Variants in NPR3 observed in about 807,000 individuals in gnomAD.
The protein encoded by NPR3 is natriuretic peptide receptor 3.
In NPR3, 34 loss-of-function variants were observed where a neutral mutation model predicts 54.5. The observed-to-expected ratio is 0.62, with a 90% CI of 0.47 to 0.83. The LOEUF (loss-of-function observed/expected upper bound fraction) is 0.83, where lower values mean the gene tolerates loss of function less well. Among genes scored for constraint, NPR3 ranks in the 40% least tolerant of loss-of-function variants. The pLI is 0.00. For missense variants in NPR3, 674 were observed against 720.8 expected, an observed-to-expected ratio of 0.94 and a Z score of 0.74; for synonymous variants, 289 against 297.1, an observed-to-expected ratio of 0.97 and a Z score of 0.28.
chr5:32,718,679 G>C (rs1470150134), intron 1 of NPR3, among the ~76,000 whole-genome samples: 1 of 152,150 alleles, frequency 6.6e-6, no homozygotes, highest in African/African-American at 2.4e-5. Context: ...GAATGCTTGT[G>C]ATTTTTGCAC....
chr5:32,761,345 C>T (rs1342018634), intron 3 of NPR3, among the ~76,000 whole-genome samples: 8 of 152,064 alleles, frequency 5.3e-5, no homozygotes, highest in African/African-American at 1.9e-4. Context: ...TTTGGGTCTT[C>T]TTTATCTCAG....
rs559762980 is a variant in NPR3 at position 32,711,734 on chromosome 5, G to C, written c.-43G>C. 2 of 1,412,676 alleles carry C rather than the reference G, an allele frequency of 1.4e-6. No individual in the cohort carries two copies. The allele number at this position is 1,412,676 out of a possible 1,614,324, so 87.5% of individuals were successfully genotyped here. A position where few individuals can be genotyped will look rare whatever the true frequency, so the allele number is the denominator to read the frequency against. On this transcript the variant is annotated 5_prime_UTR_variant, in exon 1 of 8. Coordinates refer to ENST00000265074, the MANE Select transcript of NPR3 (RefSeq NM_001204375.2). The stretch of plus-strand genomic sequence containing the variant: ...GAGGAAGGGTGGGTGGGGGGCAGAG[G>C]GCGAGTCGGCGGCGGCGAGGGCAAG...
At chr5:32,712,888 G>A (rs1025055593) in intron 1 of NPR3, among the ~76,000 whole-genome samples, 8 of 152,190 alleles carry the variant, frequency 5.3e-5, no homozygotes, top group Non-Finnish European at 1.0e-4. Flanking sequence ...CGCACTCCCA[G>A]TGCCTGGCTC....
At chr5:32,729,551 T>C (rs577214534) in intron 2 of NPR3, among the ~76,000 whole-genome samples, 4 of 152,342 alleles carry the variant, frequency 2.6e-5, no homozygotes, top group Admixed American at 1.3e-4. Flanking sequence ...AGTTTCATCA[T>C]TGTATGAACA....
chr5:32,733,684 T>C (rs773776191), intron 2 of NPR3, among the ~76,000 whole-genome samples: 16 of 152,186 alleles, frequency 1.1e-4, no homozygotes, highest in Non-Finnish European at 1.3e-4. Flanking sequence ...AAGTGATACA[T>C]GTACATTAAA....
intron 3 of NPR3, among the ~76,000 whole-genome samples, chr5:32,753,604 C>T (rs1294941047): frequency 6.8e-6 from 1 of 147,948 alleles, no homozygotes; most frequent in African/African-American, 2.5e-5. Context: ...TGCCTCTGAG[C>T]ACCTCAGGGT....
chr5:32,740,326 A>G (rs817900), intron 3 of NPR3, among the ~76,000 whole-genome samples: 60,982 of 152,056 alleles, frequency 0.4, 13,465 homozygotes, highest in African/African-American at 0.59. Context: ...GAAGCATTTA[A>G]CGCTATCCCT....
At chr5:32,718,824 A>G (rs573306388) in intron 1 of NPR3, among the ~76,000 whole-genome samples, 1 of 152,236 alleles carries the variant, frequency 6.6e-6, no homozygotes, top group African/African-American at 2.4e-5. Context: ...TCATTTCCTA[A>G]TTGAATACCC....
At chr5:32,707,360 T>C (rs1449609013), upstream of NPR3, among the ~76,000 whole-genome samples, 3 of 152,078 alleles carry the variant, frequency 2.0e-5, no homozygotes, top group Admixed American at 6.5e-5. Flanking sequence ...ATTTATATAA[T>C]AGAAGAAAAA....
At chr5:32,762,557 T>G (rs543901146) in intron 3 of NPR3, among the ~76,000 whole-genome samples, 1 of 151,944 alleles carries the variant, frequency 6.6e-6, no homozygotes, top group Non-Finnish European at 1.5e-5. Flanking sequence ...ATGATGAGCT[T>G]TTATTCATGT....
intron 1 of NPR3, among the ~76,000 whole-genome samples, chr5:32,691,803 G>A (rs2111802202): frequency 6.6e-6 from 1 of 152,366 alleles, no homozygotes; most frequent in Non-Finnish European, 1.5e-5. Context: ...AATAGCATAG[G>A]TGTCAAAAGC....
upstream of NPR3, among the ~76,000 whole-genome samples, chr5:32,707,981 TTATTGTAGTAGCTTTAAA>T (rs1738041241): frequency 6.9e-6 from 1 of 144,900 alleles, no homozygotes; most frequent in Admixed American, 7.0e-5. Flanking sequence ...GCTTGCCACC[TTATTGTAGTAGCTTTAAA>T]AAAAAAAAAA....
chr5:32,756,800 C>T (rs1053892555), intron 3 of NPR3, among the ~76,000 whole-genome samples: 72 of 152,278 alleles, frequency 4.7e-4, no homozygotes, highest in Non-Finnish European at 8.7e-4. Flanking sequence ...AGGAAGTGAT[C>T]CAGTTTCAGC....
At chr5:32,704,370 TTGTG>T (rs57959913) in intron 1 of NPR3, among the ~76,000 whole-genome samples, 2,395 of 146,842 alleles carry the variant, frequency 0.016, 52 homozygotes, top group African/African-American at 0.051. Flanking sequence ...TTTTGGCTCT[TTGTG>T]TGTGTGTGTG....
Position 32,789,833 on chromosome 5 carries a change from C to T in NPR3, c.*3488C>T. On this transcript the variant is annotated 3_prime_UTR_variant, in exon 8 of 8. Transcript: ENST00000265074. ...GTGGCGTCACTACCTTCTTGTAAGC[C>T]AGTATACACTGGCTATTTGTGGAAA... 1 of 464,370 alleles carries T rather than the reference C, an allele frequency of 2.2e-6. No individual in the cohort carries two copies. Among genetic ancestry groups the T allele is most frequent in the Admixed American group, 2.6e-5 (1 of 39,206 alleles). The allele number at this position is 464,370 out of a possible 1,614,324, so 28.8% of individuals were successfully genotyped here.
At chr5:32,724,233 T>C (rs536006160) in intron 1 of NPR3, among the ~76,000 whole-genome samples, 1 of 152,320 alleles carries the variant, frequency 6.6e-6, no homozygotes, top group South Asian at 2.1e-4. Flanking sequence ...TATTTTAAGG[T>C]CCAGAATCCA....
chr5:32,701,204 T>C (rs546275781), intron 1 of NPR3, among the ~76,000 whole-genome samples: 1 of 149,032 alleles, frequency 6.7e-6, no homozygotes, highest in Admixed American at 6.6e-5. Flanking sequence ...TTATTTTTTC[T>C]TTTGTTTCCT....
intron 1 of NPR3, among the ~76,000 whole-genome samples, chr5:32,696,298 A>G (rs1226581520): frequency 4.6e-5 from 7 of 152,192 alleles, no homozygotes; most frequent in Admixed American, 3.9e-4. Context: ...TTCAAAAATG[A>G]GTTCACTGTA....
chr5:32,764,066 G>A (rs974695516), intron 3 of NPR3, among the ~76,000 whole-genome samples: 2 of 152,094 alleles, frequency 1.3e-5, no homozygotes, highest in Admixed American at 6.5e-5. Flanking sequence ...TAGCTTGGTG[G>A]GGTTCAAACT....
Sources: gnomAD v4.1 joint callset for allele counts (sites outside exome capture counted in the v4.1 genomes callset) on GRCh38, gnomAD v4.1.1 for gene constraint, MANE v1.5 for transcripts, NCBI Gene and HGNC (gene_info 2026-07-23, HGNC 2026-07-21) for gene names.